The following KIF5C variants were observed in gnomAD, a reference collection of about 807,000 sequenced individuals.
KIF5C encodes kinesin family member 5C.
A neutral mutation model predicts 125.2 loss-of-function variants in KIF5C; 18 were observed. The ratio of observed to expected loss-of-function variants is 0.14; its 90% CI spans 0.10 to 0.21. The LOEUF is 0.21. Among genes scored for constraint, KIF5C ranks in the 10% least tolerant of loss-of-function variants. The pLI, the probability that KIF5C is intolerant of heterozygous loss-of-function variation, is 1.00. For missense variants in KIF5C, 780 were observed against 1,183.8 expected (o/e 0.66, Z 5.01); for synonymous variants, 405 against 434.0 (o/e 0.93, Z 0.83).
rs1178661994 is a variant in KIF5C at position 149,025,968 on chromosome 2, T to A, written c.*2898T>A. ...AAGAAATCAGAATTTATAGATATAT[T>A]GGGATAAATGAAGAAATAAAAATGT... On this transcript the variant is annotated 3_prime_UTR_variant, in exon 26 of 26. Coordinates refer to ENST00000435030, the MANE Select transcript of KIF5C (RefSeq NM_004522.3). The A allele has an allele frequency of 6.6e-6, 1 of 152,646 alleles. No individual in the cohort carries two copies. Among genetic ancestry groups the A allele is most frequent in the Non-Finnish European group, 1.5e-5 (1 of 68,044 alleles). 9.5% of individuals were successfully genotyped at this position (152,646 alleles called of 1,614,324 possible).
intron 21 of KIF5C, among the ~76,000 whole-genome samples, chr2:149,004,778 C>A (rs1156678322): frequency 6.6e-6 from 1 of 152,136 alleles, no homozygotes; most frequent in African/African-American, 2.4e-5. Flanking sequence ...AATGATAAGG[C>A]AACCACTGTT....
chr2:148,989,658 A>T (rs930798253), intron 15 of KIF5C, among the ~76,000 whole-genome samples: 41 of 151,252 alleles, frequency 2.7e-4, no homozygotes, highest in African/African-American at 8.2e-4. Context: ...ATTTTTTTTT[A>T]TTTTTTTTAT....
intron 25 of KIF5C, among the ~76,000 whole-genome samples, chr2:149,017,302 C>T (rs1682391774): frequency 6.6e-6 from 1 of 152,092 alleles, no homozygotes; most frequent in Non-Finnish European, 1.5e-5. Context: ...CATTGGGAGG[C>T]AAGATCCAGG....
chr2:148,981,504 A>G lies in KIF5C; in HGVS notation c.1512A>G (p.Glu504=). The change falls in exon 14 of 26, where the codon GAA becomes GAG. Residue 504 remains glutamate (E), a synonymous_variant. Coordinates refer to ENST00000435030, the MANE Select transcript of KIF5C (RefSeq NM_004522.3). ...LAVNYDQKSQ[E]VEDKTRANEQ... ...TCAATTATGACCAGAAATCACAGGA[A>G]GTGGAGGATAAGACCCGGGCCAATG... is the stretch of plus-strand genomic sequence containing the variant. The G allele has an allele frequency of 1.2e-6, 2 of 1,607,322 alleles. No individual in the cohort carries two copies. The highest frequency in any genetic ancestry group is 1.7e-6 in the Non-Finnish European group (2 of 1,176,892).
intron 1 of KIF5C, among the ~76,000 whole-genome samples, chr2:148,897,065 T>G (rs1266171917): frequency 6.6e-6 from 1 of 152,168 alleles, no homozygotes; most frequent in Non-Finnish European, 1.5e-5. Context: ...ACTCCTGACC[T>G]CAGGTGATCT....
chr2:149,014,839 G>A (rs1682314284), intron 25 of KIF5C, among the ~76,000 whole-genome samples: 1 of 152,142 alleles, frequency 6.6e-6, no homozygotes, highest in Non-Finnish European at 1.5e-5. Flanking sequence ...GATAGGGAAG[G>A]CCTATTTCTA....
chr2:148,961,916 G>C lies in KIF5C; in HGVS notation c.969-55G>C, dbSNP rs143973650. Reference sequence around the variant, plus strand: ...GAGGAATCTTGGGCTTAATCATATTGGTTTAGCTAATGGTAATAATTAGCT... The same window carrying C: ...GAGGAATCTTGGGCTTAATCATATTCGTTTAGCTAATGGTAATAATTAGCT... On this transcript the variant is annotated intron_variant, in intron 10 of 25. Coordinates refer to ENST00000435030, the MANE Select transcript of KIF5C (RefSeq NM_004522.3). 1.7e-4 allele frequency: 274 copies of C among 1,571,926 alleles called. No individual in the cohort carries two copies. In the African/African-American group the frequency reaches 3.3e-3, roughly 19 times the overall value.
At chr2:148,961,714 C>T (rs74908831) in intron 10 of KIF5C, among the ~76,000 whole-genome samples, 2,579 of 152,122 alleles carry the variant, frequency 0.017, 34 homozygotes, top group Middle Eastern at 0.045. Context: ...AAAGAGGAAA[C>T]CCTGAGACAA....
At chr2:149,013,621 T>C (rs1207481492) in intron 25 of KIF5C, among the ~76,000 whole-genome samples, 1 of 152,202 alleles carries the variant, frequency 6.6e-6, no homozygotes, top group African/African-American at 2.4e-5. Flanking sequence ...AGATGTAATA[T>C]AGGCATCACC....
intron 19 of KIF5C, among the ~76,000 whole-genome samples, chr2:148,999,639 A>C (rs1395805001): frequency 1.3e-5 from 2 of 152,200 alleles, no homozygotes; most frequent in Non-Finnish European, 2.9e-5. Flanking sequence ...ATTCTGATTA[A>C]TCACCCTCAC....
At chr2:148,946,846 G>T (rs2105108847) in intron 7 of KIF5C, 53 bp from the exon 8 acceptor site, 2 of 1,592,664 alleles carry the variant, frequency 1.3e-6, no homozygotes, top group South Asian at 2.3e-5. Flanking sequence ...TGAGAGGATT[G>T]CTACCTAAAC....
At chr2:148,949,649 G>T (rs1682610279) in intron 8 of KIF5C, among the ~76,000 whole-genome samples, 190 bp from the exon 9 acceptor site, 1 of 152,192 alleles carries the variant, frequency 6.6e-6, no homozygotes, top group Non-Finnish European at 1.5e-5. Context: ...AGAGGAAAAT[G>T]ATGGCAGGAG....
chr2:149,022,283 C>T (rs540796652), intron 25 of KIF5C, among the ~76,000 whole-genome samples: 4 of 152,094 alleles, frequency 2.6e-5, no homozygotes, highest in East Asian at 1.9e-4. Flanking sequence ...CAACAGATAC[C>T]GACTTATGGA....
intron 1 of KIF5C, chr2:148,884,090 TG>T (rs1681447235): frequency 6.6e-6 from 1 of 152,242 alleles, no homozygotes; most frequent in Non-Finnish European, 1.5e-5. Context: ...ACTGAGGGTA[TG>T]TGCTTCGTCA....
At chr2:148,899,515 A>G (rs1454902983) in intron 1 of KIF5C, among the ~76,000 whole-genome samples, 1 of 152,004 alleles carries the variant, frequency 6.6e-6, no homozygotes, top group Non-Finnish European at 1.5e-5. Flanking sequence ...CAGCCTGGCC[A>G]ACATGGCAAA....
intron 4 of KIF5C, among the ~76,000 whole-genome samples, 174 bp downstream of exon 4, chr2:148,937,562 C>T (rs2105099254): frequency 6.6e-6 from 1 of 152,270 alleles, no homozygotes; most frequent in South Asian, 2.1e-4. Context: ...GGAGGGTTTG[C>T]TTGAAATATC....
At chr2:148,948,270 T>A (rs1215163397) in intron 8 of KIF5C, among the ~76,000 whole-genome samples, 1 of 148,700 alleles carries the variant, frequency 6.7e-6, no homozygotes, top group African/African-American at 2.5e-5. Flanking sequence ...GGCAGGAGAA[T>A]GGCGTGAACC....
At chr2:148,954,420 T>C (rs1459156840) in intron 10 of KIF5C, among the ~76,000 whole-genome samples, 1 of 152,248 alleles carries the variant, frequency 6.6e-6, no homozygotes, top group African/African-American at 2.4e-5. Context: ...TCAACTACTT[T>C]TACAGCGCTA....
At position 148,995,131 on chromosome 2, in the gene KIF5C, A is replaced by G. The variant is rs370543404; in HGVS notation, c.2023+593A>G. Among the ~76,000 whole-genome samples the G allele has an allele frequency of 1.1e-4, 17 of 152,010 alleles. No individual in the cohort carries two copies. The East Asian group carries it at 1.7e-3, about 16-fold the overall frequency. On this transcript the variant is annotated intron_variant, in intron 17 of 25. Coordinates refer to ENST00000435030, the MANE Select transcript of KIF5C (RefSeq NM_004522.3). Reference sequence around the variant, plus strand: ...TCTAGTTGGTCACCAGAGCCGGTCCATTTCACCTGCCAGAGGCCCCTCTGG... The same window carrying G: ...TCTAGTTGGTCACCAGAGCCGGTCCGTTTCACCTGCCAGAGGCCCCTCTGG...
Sources: allele counts gnomAD v4.1 joint callset (sites outside exome capture counted in the v4.1 genomes callset), GRCh38; gene constraint gnomAD v4.1.1; transcripts MANE v1.5; gene names NCBI Gene and HGNC (gene_info 2026-07-23, HGNC 2026-07-21).